The following ARL14EP variants were observed in gnomAD, a reference collection of about 807,000 sequenced individuals.
The protein encoded by ARL14EP is ARL14 effector protein.
ARL14EP carries 12 observed loss-of-function variants against 23.1 expected under a neutral mutation model. The observed-to-expected ratio is 0.52, with a 90% confidence interval of 0.33 to 0.84. ARL14EP has a LOEUF of 0.84. Among genes scored for constraint, ARL14EP ranks in the 40% least tolerant of loss-of-function variants. The pLI, the probability that ARL14EP is intolerant of heterozygous loss-of-function variation, is 0.02. For missense variants in ARL14EP, 253 were observed against 307.3 expected (o/e 0.82, Z 1.32); for synonymous variants, 97 against 102.0 (o/e 0.95, Z 0.29).
rs1947279652 is a variant in ARL14EP at position 30,331,189 on chromosome 11, A to G, written c.241A>G (p.Ile81Val). ...GAAGTCATGTTGTGACCCATTTAAC[A>G]TACACAAGAAATTAGCCAAAAAAAA... ...LQKSCCDPFNIHKKLAKKNLH... is the reference protein window; with the variant it reads ...LQKSCCDPFNVHKKLAKKNLH... Residue 81 changes from isoleucine (I) to valine (V), a missense_variant, in exon 2 of 4, where the codon ATA becomes GTA. By Grantham distance (29) the Ile-to-Val change is conservative (BLOSUM62 3). Coordinates refer to ENST00000282032, the MANE Select transcript of ARL14EP (RefSeq NM_152316.3). The G allele has an allele frequency of 6.2e-7, 1 of 1,613,930 alleles. No individual in the cohort carries two copies.
At position 30,336,870 on chromosome 11, in the gene ARL14EP, C is replaced by T. The variant is rs1378305375; in HGVS notation, c.*75C>T. ...CTGTTACTCTAAGATACATTTTAAGCTTGATTATCATATGACAAAGATTTT... is the reference window on the plus strand; with the variant it reads ...CTGTTACTCTAAGATACATTTTAAGTTTGATTATCATATGACAAAGATTTT... On this transcript the variant is annotated 3_prime_UTR_variant, in exon 4 of 4. Transcript: ENST00000282032. The T allele has an allele frequency of 2.9e-5, 38 of 1,333,084 alleles. No individual in the cohort carries two copies. The highest frequency in any genetic ancestry group is 1.1e-4 in the Admixed American group (6 of 53,220). The allele number at this position is 1,333,084 out of a possible 1,614,324, so 82.6% of individuals were successfully genotyped here. A position where few individuals can be genotyped will look rare whatever the true frequency, so the allele number is the denominator to read the frequency against.
At chr11:30,323,370 A>G (rs377651434) in intron 1 of ARL14EP, among the ~76,000 whole-genome samples, 168 bp downstream of exon 1, 32 of 151,870 alleles carry the variant, frequency 2.1e-4, no homozygotes, top group African/African-American at 6.8e-4. Flanking sequence ...TCTCACCCCT[A>G]CCCCCGCGTA....
At chr11:30,333,491 T>G (rs73457825) in intron 3 of ARL14EP, among the ~76,000 whole-genome samples, 1 of 152,138 alleles carries the variant, frequency 6.6e-6, no homozygotes, top group East Asian at 1.9e-4. Context: ...GTATCTGTTA[T>G]GATGATCTTT....
intron 3 of ARL14EP, among the ~76,000 whole-genome samples, chr11:30,333,227 A>G (rs1195059072): frequency 3.9e-5 from 6 of 152,252 alleles, no homozygotes; most frequent in Non-Finnish European, 8.8e-5. Context: ...TAATTTTGGC[A>G]TGAGAGTTAA....
At chr11:30,327,496 T>G (rs1319506005) in intron 1 of ARL14EP, among the ~76,000 whole-genome samples, 1 of 152,084 alleles carries the variant, frequency 6.6e-6, no homozygotes, top group Non-Finnish European at 1.5e-5. Flanking sequence ...GTAGCCCAAG[T>G]TTTGAATATT....
chr11:30,326,410 T>C lies in ARL14EP; in HGVS notation c.-64+3208T>C, dbSNP rs577689943. 3.9e-5 allele frequency among the ~76,000 whole-genome samples: 6 copies of C among 152,326 alleles called. No homozygotes were observed. In the East Asian group the frequency reaches 1.2e-3, roughly 29 times the overall value. On this transcript the variant is annotated intron_variant, in intron 1 of 3. Coordinates refer to ENST00000282032, the MANE Select transcript of ARL14EP (RefSeq NM_152316.3). ...AAGGAAGGGGCCAGATAAATCATCG[T>C]TATGGAAGAACATAGCACTGTACTG... is the stretch of plus-strand genomic sequence containing the variant.
chr11:30,326,807 C>T (rs1184548854), intron 1 of ARL14EP, among the ~76,000 whole-genome samples: 7 of 65,352 alleles, frequency 1.1e-4, no homozygotes, highest in Non-Finnish European at 5.6e-5. Context: ...ACTACCTTGA[C>T]TCAGGTGTGT....
At chr11:30,331,593 T>C (rs1947284157) in intron 2 of ARL14EP, 1 of 1,401,470 alleles carries the variant, frequency 7.1e-7, no homozygotes, top group South Asian at 1.6e-5. Flanking sequence ...AATAATAAAA[T>C]ATGCCTAAGA....
At chr11:30,334,978 A>G (rs1483070443) in intron 3 of ARL14EP, among the ~76,000 whole-genome samples, 2 of 152,156 alleles carry the variant, frequency 1.3e-5, no homozygotes. Context: ...TATTTAAGAA[A>G]TACGTTTTGT....
chr11:30,330,328 G>A (rs1947272152), intron 1 of ARL14EP: 3 of 152,338 alleles, frequency 2.0e-5, no homozygotes. Flanking sequence ...ATTCCAAGGG[G>A]GTGGCAGTAG....
At chr11:30,327,248 C>T (rs1947243397) in intron 1 of ARL14EP, among the ~76,000 whole-genome samples, 1 of 152,104 alleles carries the variant, frequency 6.6e-6, no homozygotes, top group Non-Finnish European at 1.5e-5. Context: ...CATTAGTTTC[C>T]TTTAATCATG....
At chr11:30,331,676 G>T in intron 2 of ARL14EP, 1 of 1,191,418 alleles carries the variant, frequency 8.4e-7, no homozygotes, top group Admixed American at 4.3e-5. Flanking sequence ...CCAGGATTTA[G>T]TTTCTTTTCT....
In ARL14EP at chr11:30,336,621, T is replaced by C. The variant is rs148043925; in HGVS notation, c.609T>C (p.Phe203=). 8.9e-5 allele frequency: 143 copies of C among 1,614,014 alleles called. No homozygotes were observed. Among genetic ancestry groups the C allele is most frequent in the Non-Finnish European group, 1.1e-4 (127 of 1,180,012 alleles). ...KVYDSQGLLI[F]SGMDLCDCLD... ...ATGATAGCCAGGGTCTCCTGATTTT[T>C]AGTGGGATGGACCTCTGTGACTGCC... Residue 203 remains phenylalanine (F), a synonymous_variant, in exon 4 of 4, where the codon TTT becomes TTC. Transcript: ENST00000282032.
Position 30,331,414 on chromosome 11 carries a change from A to G in ARL14EP, c.426+40A>G, listed in dbSNP as rs370604478. The stretch of plus-strand genomic sequence containing the variant: ...CATTTTTTTCTACATTGTGAATTCT[A>G]CCATGTAGGATTTTGCTTAACTATA... On this transcript the variant is annotated intron_variant, in intron 2 of 3. Transcript: ENST00000282032. 6.8e-6 allele frequency: 11 copies of G among 1,612,792 alleles called. No individual in the cohort carries two copies. The East Asian group carries it at 1.8e-4, about 26-fold the overall frequency.
Position 30,332,925 on chromosome 11 carries a change from A to C in ARL14EP, c.486A>C (p.Glu162Asp), listed in dbSNP as rs1370515046. The change falls in exon 3 of 4, where the codon GAA becomes GAC. Residue 162 changes from glutamate (E) to aspartate (D), a missense_variant. Physicochemically the swap from Glu to Asp is conservative, Grantham distance 45. Transcript: ENST00000282032. Reference sequence around the variant, plus strand: ...TTACGAATCCAGGAAGGCAAACTGAATTTGCTCCAGAAACTGGTAAAAGAG... The same window carrying C: ...TTACGAATCCAGGAAGGCAAACTGACTTTGCTCCAGAAACTGGTAAAAGAG... Reference protein sequence around the residue: ...LQFTNPGRQTEFAPETGKREK... With the variant: ...LQFTNPGRQTDFAPETGKREK... 1 of 1,613,710 alleles carries C rather than the reference A, an allele frequency of 6.2e-7. No individual in the cohort carries two copies. The highest frequency in any genetic ancestry group is 8.5e-7 in the Non-Finnish European group (1 of 1,179,728).
intron 3 of ARL14EP, 45 bp from the exon 4 acceptor site, chr11:30,336,522 A>G (rs190228956): frequency 6.6e-7 from 1 of 1,504,330 alleles, no homozygotes; most frequent in East Asian, 2.3e-5. Flanking sequence ...TTAAATCAAA[A>G]ATAACATATT....
intron 3 of ARL14EP, among the ~76,000 whole-genome samples, chr11:30,333,967 C>G (rs1947308116): frequency 6.6e-6 from 1 of 152,100 alleles, no homozygotes; most frequent in Non-Finnish European, 1.5e-5. Flanking sequence ...AAGATCAAAC[C>G]AGCTACAACA....
Position 30,337,125 on chromosome 11 carries a change from G to A in ARL14EP, c.*330G>A, listed in dbSNP as rs1392731884. 6.7e-6 allele frequency: 2 copies of A among 298,556 alleles called. No individual in the cohort carries two copies. The highest frequency in any genetic ancestry group is 6.4e-6 in the Non-Finnish European group (1 of 157,324). 18.5% of individuals were successfully genotyped at this position (298,556 alleles called of 1,614,324 possible). A position where few individuals can be genotyped will look rare whatever the true frequency, so the allele number is the denominator to read the frequency against. On this transcript the variant is annotated 3_prime_UTR_variant, in exon 4 of 4. Transcript: ENST00000282032. The stretch of plus-strand genomic sequence containing the variant: ...TCCTTACCAGGAAGGAAAGAAAACT[G>A]GTAAGGAAACTGTTGTTGTTAAAAT...
rs200109301 is a variant in ARL14EP at position 30,332,966 on chromosome 11, C to T, written c.527C>T (p.Thr176Ile). 6.2e-7 allele frequency: 1 copy of T among 1,613,308 alleles called. No individual in the cohort carries two copies. Among genetic ancestry groups the T allele is most frequent in the Non-Finnish European group, 8.5e-7 (1 of 1,179,532 alleles). The change falls in exon 3 of 4, where the codon ACA (threonine) becomes ATA (isoleucine). Residue 176 changes from threonine to isoleucine, a missense_variant. Physicochemically the swap from Thr to Ile is moderately conservative, Grantham distance 89 (BLOSUM62 -1). Transcript: ENST00000282032. ...GGTAAAAGAGAAAAAAGAAGGCTTA[C>T]AAAAAATGCAACCGCTGGTTCAGAC... The part of the protein sequence containing the change: ...ETGKREKRRL[T>I]KNATAGSDRQ...
Sources: allele counts gnomAD v4.1 joint callset (sites outside exome capture counted in the v4.1 genomes callset), GRCh38; gene constraint gnomAD v4.1.1; transcripts MANE v1.5; gene names NCBI Gene and HGNC (gene_info 2026-07-23, HGNC 2026-07-21).